IMMP2L: variants seen among roughly 807,000 people sequenced by gnomAD.
IMMP2L encodes mitochondrial inner membrane protease subunit 2.
IMMP2L carries 18 observed loss-of-function variants against 19.3 expected under a neutral mutation model. The ratio of observed to expected loss-of-function variants is 0.93; its 90% CI spans 0.64 to 1.38. The LOEUF is 1.38. Among genes scored for constraint, IMMP2L ranks in the 40% most tolerant of loss-of-function variants. The probability of loss-of-function intolerance (pLI) is 0.00; values close to 1 mark genes in which losing one functional copy is unlikely to be tolerated. For synonymous variants in IMMP2L, 76 were observed against 73.0 expected (o/e 1.04, Z -0.21); for missense variants, 233 against 218.2 (o/e 1.07, Z -0.43).
chr7:111,443,220 C>T (rs1054568544), intron 3 of IMMP2L, among the ~76,000 whole-genome samples: 2 of 151,818 alleles, frequency 1.3e-5, no homozygotes, highest in African/African-American at 4.9e-5. Context: ...TCACACATGG[C>T]TACATGATAT....
chr7:111,279,629 T>C (rs1418369511), intron 3 of IMMP2L, among the ~76,000 whole-genome samples: 1 of 152,172 alleles, frequency 6.6e-6, no homozygotes, highest in East Asian at 1.9e-4. Context: ...TTCTCTGACT[T>C]GATATCACAT....
intron 5 of IMMP2L, among the ~76,000 whole-genome samples, chr7:110,707,004 A>T (rs866000667): frequency 1.7e-3 from 192 of 114,208 alleles, no homozygotes; most frequent in African/African-American, 2.0e-3. Flanking sequence ...TTTTTTTTTA[A>T]TTTTTTTTTT....
chr7:111,493,682 G>C (rs1036671662), intron 2 of IMMP2L, among the ~76,000 whole-genome samples: 3 of 149,690 alleles, frequency 2.0e-5, no homozygotes, highest in Admixed American at 6.7e-5. Flanking sequence ...TCCAGCCTGG[G>C]CGACAGAGCA....
intron 3 of IMMP2L, among the ~76,000 whole-genome samples, chr7:111,217,126 T>TCTCTCACACA (rs1472700586): frequency 4.0e-5 from 5 of 123,998 alleles, no homozygotes; most frequent in African/African-American, 1.6e-4. Context: ...TCTCTCTCTC[T>TCTCTCACACA]CACACACACA....
intron 3 of IMMP2L, among the ~76,000 whole-genome samples, chr7:111,267,303 T>C (rs1198633779): frequency 6.6e-6 from 1 of 152,188 alleles, no homozygotes; most frequent in East Asian, 1.9e-4. Flanking sequence ...GTAATTTGAA[T>C]GGGTAATAAA....
rs559198961 is a variant in IMMP2L at position 111,262,461 on chromosome 7, A to G, written c.239+224777T>C. Among the ~76,000 whole-genome samples the G allele has an allele frequency of 2.3e-4, 35 of 152,152 alleles. No individual in the cohort carries two copies. In the South Asian group the frequency reaches 7.2e-3, roughly 32 times the overall value. The stretch of plus-strand genomic sequence containing the variant: ...AGCCCTGCAGCAGTGCTGTGCTTGT[A>G]TGAGTGGGAGAAAAGAAATGGGAGT... On this transcript the variant is annotated intron_variant, in intron 3 of 5. Transcript: ENST00000405709.
At chr7:110,946,543 G>A (rs1197867542) in intron 4 of IMMP2L, among the ~76,000 whole-genome samples, 3 of 151,868 alleles carry the variant, frequency 2.0e-5, no homozygotes, top group Admixed American at 1.3e-4. Flanking sequence ...CTACTTCAGG[G>A]ATCTAAAACC....
chr7:111,049,423 G>A (rs1045589098), intron 3 of IMMP2L, among the ~76,000 whole-genome samples: 5 of 151,854 alleles, frequency 3.3e-5, no homozygotes, highest in African/African-American at 9.7e-5. Flanking sequence ...GAGCCACCGC[G>A]CCCGGCCGAT....
chr7:111,304,392 T>G (rs1208084580), intron 3 of IMMP2L, among the ~76,000 whole-genome samples: 2 of 151,888 alleles, frequency 1.3e-5, no homozygotes, highest in African/African-American at 4.8e-5. Flanking sequence ...GGGACAATAG[T>G]AAAAATCATG....
chr7:111,163,605 G>T (rs1278236742), intron 3 of IMMP2L, among the ~76,000 whole-genome samples: 3 of 152,018 alleles, frequency 2.0e-5, no homozygotes, highest in African/African-American at 4.8e-5. Flanking sequence ...GTGTGGATTG[G>T]TATCAGTTGG....
chr7:110,999,891 G>C (rs1823477047), intron 3 of IMMP2L, among the ~76,000 whole-genome samples: 1 of 152,156 alleles, frequency 6.6e-6, no homozygotes, highest in African/African-American at 2.4e-5. Context: ...AAGCATGGTG[G>C]AGGGAATCAA....
chr7:111,361,337 G>T (rs1829241383), intron 3 of IMMP2L, among the ~76,000 whole-genome samples: 1 of 152,048 alleles, frequency 6.6e-6, no homozygotes, highest in Admixed American at 6.6e-5. Flanking sequence ...AACTAAAATT[G>T]TTGCATTTTG....
At chr7:111,495,256 C>T (rs1443953574) in intron 2 of IMMP2L, among the ~76,000 whole-genome samples, 1 of 152,026 alleles carries the variant, frequency 6.6e-6, no homozygotes, top group Non-Finnish European at 1.5e-5. Context: ...CCTTGTTTTC[C>T]TCTGGCTCAG....
intron 3 of IMMP2L, among the ~76,000 whole-genome samples, chr7:111,158,179 A>G (rs1804853502): frequency 6.6e-6 from 1 of 152,030 alleles, no homozygotes; most frequent in Non-Finnish European, 1.5e-5. Context: ...TTAAAAACTC[A>G]GAAAAATGTA....
chr7:111,222,172 A>G (rs1418501911), intron 3 of IMMP2L, among the ~76,000 whole-genome samples: 1 of 152,004 alleles, frequency 6.6e-6, no homozygotes, highest in African/African-American at 2.4e-5. Flanking sequence ...TATTAGAGGT[A>G]TAATGCCGCC....
chr7:111,038,153 A>G (rs535540811), intron 3 of IMMP2L, among the ~76,000 whole-genome samples: 1 of 152,322 alleles, frequency 6.6e-6, no homozygotes, highest in Non-Finnish European at 1.5e-5. Context: ...CTAACTTAAG[A>G]GGAGAGCCTG....
At chr7:111,395,496 G>A (rs940288545) in intron 3 of IMMP2L, among the ~76,000 whole-genome samples, 3 of 152,190 alleles carry the variant, frequency 2.0e-5, no homozygotes, top group African/African-American at 7.2e-5. Flanking sequence ...GCTAGTATAA[G>A]AAATATCTAC....
chr7:111,292,989 T>C (rs908605304), intron 3 of IMMP2L, among the ~76,000 whole-genome samples: 4 of 151,986 alleles, frequency 2.6e-5, no homozygotes, highest in Non-Finnish European at 5.9e-5. Flanking sequence ...CTGGTCAAAA[T>C]AATAAGTCAA....
rs554708283 is a variant in IMMP2L at position 111,027,197 on chromosome 7, A to G, written c.240-63632T>C. Reference sequence around the variant, plus strand: ...ATTTGATACATGGTATAAACAAACAACTCAGTATGGTAGAGAACAAACAAT... The same window carrying G: ...ATTTGATACATGGTATAAACAAACAGCTCAGTATGGTAGAGAACAAACAAT... On this transcript the variant is annotated intron_variant, in intron 3 of 5. Coordinates refer to ENST00000405709, the MANE Select transcript of IMMP2L (RefSeq NM_032549.4). Among the ~76,000 whole-genome samples the G allele has an allele frequency of 8.5e-5, 13 of 152,240 alleles. No homozygotes were observed. The South Asian group carries it at 2.1e-3, about 24-fold the overall frequency.
Sources: gnomAD v4.1 joint callset for allele counts (sites outside exome capture counted in the v4.1 genomes callset) on GRCh38, gnomAD v4.1.1 for gene constraint, MANE v1.5 for transcripts, NCBI Gene and HGNC (gene_info 2026-07-23, HGNC 2026-07-21) for gene names.